RTN4IP1: variants seen among roughly 807,000 people sequenced by gnomAD.
RTN4IP1 encodes NAD(P)H oxidoreductase RTN4IP1, mitochondrial.
Under a neutral mutation model 46.6 loss-of-function variants are expected in RTN4IP1, and 32 were observed. That is an observed-to-expected ratio of 0.69 (90% confidence interval 0.52 to 0.92). The LOEUF (loss-of-function observed/expected upper bound fraction) is 0.92, where lower values mean the gene tolerates loss of function less well. Among genes scored for constraint, RTN4IP1 ranks in the 40% least tolerant of loss-of-function variants. The pLI is 0.00. For synonymous variants in RTN4IP1, 167 were observed against 161.8 expected (o/e 1.03, Z -0.24); for missense variants, 424 against 485.8 (o/e 0.87, Z 1.20).
In RTN4IP1 at chr6:106,619,196, A is replaced by T; in HGVS notation, c.620+6T>A. On this transcript the variant is annotated splice_donor_region_variant and intron_variant, in intron 4 of 8. Transcript: ENST00000369063. Reference sequence around the variant, plus strand: ...TTTAGATGCTGCCACTGACTGATACACTTACCGTTTTCCTGTGCAATTCTT... The same window carrying T: ...TTTAGATGCTGCCACTGACTGATACTCTTACCGTTTTCCTGTGCAATTCTT... The T allele has an allele frequency of 3.1e-6, 5 of 1,614,078 alleles. No individual in the cohort carries two copies. Among genetic ancestry groups the T allele is most frequent in the Non-Finnish European group, 4.2e-6 (5 of 1,179,942 alleles).
At chr6:106,606,975 G>T (rs1776092787) in intron 4 of RTN4IP1, among the ~76,000 whole-genome samples, 1 of 152,174 alleles carries the variant, frequency 6.6e-6, no homozygotes, top group East Asian at 1.9e-4. Flanking sequence ...ACAGCAGGAG[G>T]CATCACCCTA....
intron 4 of RTN4IP1, among the ~76,000 whole-genome samples, chr6:106,603,208 T>TA (rs1026940155): frequency 6.6e-6 from 1 of 152,216 alleles, no homozygotes; most frequent in Non-Finnish European, 1.5e-5. Context: ...TCCTTTGTAA[T>TA]ATCTGCCTTA....
At chr6:106,614,655 C>A (rs1393289577) in intron 4 of RTN4IP1, among the ~76,000 whole-genome samples, 1 of 152,126 alleles carries the variant, frequency 6.6e-6, no homozygotes, top group African/African-American at 2.4e-5. Context: ...GTCCCTGAAA[C>A]CATACGAAAA....
chr6:106,586,356 T>G (rs149209792), intron 7 of RTN4IP1, among the ~76,000 whole-genome samples: 45 of 152,222 alleles, frequency 3.0e-4, no homozygotes, highest in African/African-American at 1.0e-3. Flanking sequence ...CTCAAGTATT[T>G]TGCTTAATTT....
intron 5 of RTN4IP1, among the ~76,000 whole-genome samples, chr6:106,599,236 T>G (rs1304013049): frequency 6.6e-6 from 1 of 151,960 alleles, no homozygotes; most frequent in Non-Finnish European, 1.5e-5. Context: ...CTTTTTAATT[T>G]TATTAAAATT....
chr6:106,594,746 T>C (rs1315843050), intron 5 of RTN4IP1, among the ~76,000 whole-genome samples: 1 of 152,166 alleles, frequency 6.6e-6, no homozygotes, highest in African/African-American at 2.4e-5. Context: ...TATAGTCTTG[T>C]GCATTCTTAA....
At chr6:106,593,755 A>T (rs987387936) in intron 5 of RTN4IP1, among the ~76,000 whole-genome samples, 1 of 152,204 alleles carries the variant, frequency 6.6e-6, no homozygotes, top group Non-Finnish European at 1.5e-5. Context: ...ATATCCTGAA[A>T]ATCTGTGGGG....
Position 106,571,814 on chromosome 6 carries a change from C to A in RTN4IP1, c.*182G>T. ...GAATTTCTACTGACTACAGACAAAT[C>A]CAAGTGCTGATATTTTTATATCAAT... On this transcript the variant is annotated 3_prime_UTR_variant, in exon 9 of 9. Transcript: ENST00000369063. The A allele has an allele frequency of 1.4e-5, 7 of 509,544 alleles. No individual in the cohort carries two copies. The highest frequency in any genetic ancestry group is 2.4e-5 in the South Asian group (1 of 41,686). The allele number at this position is 509,544 out of a possible 1,614,324, so 31.6% of individuals were successfully genotyped here.
chr6:106,572,179 T>G lies in RTN4IP1; in HGVS notation c.1084-76A>C, dbSNP rs1379902293. ...AGGCAGATGACATTGCTAATTAGTT[T>G]CTTGACGGTGTCCCTCAAGCCACAG... On this transcript the variant is annotated intron_variant, in intron 8 of 8. Coordinates refer to ENST00000369063, the MANE Select transcript of RTN4IP1 (RefSeq NM_032730.5). The G allele has an allele frequency of 3.4e-6, 4 of 1,173,660 alleles. No homozygotes were observed. The East Asian group carries it at 7.0e-5, about 21-fold the overall frequency. 72.7% of individuals were successfully genotyped at this position (1,173,660 alleles called of 1,614,324 possible).
intron 5 of RTN4IP1, among the ~76,000 whole-genome samples, chr6:106,596,119 C>T (rs1775784385): frequency 6.6e-6 from 1 of 152,146 alleles, no homozygotes; most frequent in South Asian, 2.1e-4. Context: ...CATGACCTGA[C>T]TAGTCTTTGA....
intron 6 of RTN4IP1, 142 bp from the exon 7 acceptor site, chr6:106,588,004 G>A (rs1775528389): frequency 1.5e-6 from 1 of 646,436 alleles, no homozygotes; most frequent in Non-Finnish European, 2.5e-6. Context: ...ATCCTGCAGA[G>A]GGGTGGCTGC....
intron 8 of RTN4IP1, 91 bp from the exon 9 acceptor site, chr6:106,572,194 T>C: frequency 9.7e-7 from 1 of 1,027,330 alleles, no homozygotes; most frequent in South Asian, 1.4e-5. Context: ...ACGGTGTCCC[T>C]CAAGCCACAG....
intron 4 of RTN4IP1, among the ~76,000 whole-genome samples, chr6:106,617,557 G>A (rs1776385464): frequency 1.3e-5 from 2 of 152,154 alleles, no homozygotes; most frequent in Non-Finnish European, 2.9e-5. Flanking sequence ...GGCAGAACAG[G>A]ACCCAGGGCT....
At chr6:106,629,819 T>C, upstream of RTN4IP1, 1 of 1,267,972 alleles carries the variant, frequency 7.9e-7, no homozygotes. Context: ...CTGCTTCCTC[T>C]AGAACTGAGT....
intron 8 of RTN4IP1, 124 bp from the exon 9 acceptor site, chr6:106,572,227 T>C (rs1224869127): frequency 1.2e-5 from 9 of 753,960 alleles, no homozygotes; most frequent in Admixed American, 4.6e-5. Context: ...GTCTCTCCAG[T>C]GGACCCAGGT....
chr6:106,603,031 G>A (rs1182710168), intron 4 of RTN4IP1, 109 bp from the exon 5 acceptor site: 2 of 755,576 alleles, frequency 2.6e-6, no homozygotes, highest in African/African-American at 1.8e-5. Flanking sequence ...AATTCTAAAA[G>A]AAAATAAAGT....
chr6:106,585,840 A>G (rs1228076302), intron 7 of RTN4IP1, among the ~76,000 whole-genome samples: 5 of 152,248 alleles, frequency 3.3e-5, no homozygotes, highest in African/African-American at 1.2e-4. Flanking sequence ...ACAACTCTGA[A>G]GGTTAACTTG....
chr6:106,629,703 G>C (rs376227484), upstream of RTN4IP1: 84 of 1,606,164 alleles, frequency 5.2e-5, 1 homozygote, highest in Non-Finnish European at 6.5e-5. Flanking sequence ...GAGCCTCCGA[G>C]AAGTGAGTGG....
intron 7 of RTN4IP1, among the ~76,000 whole-genome samples, chr6:106,584,643 T>C (rs924015963): frequency 6.6e-6 from 1 of 152,194 alleles, no homozygotes; most frequent in African/African-American, 2.4e-5. Flanking sequence ...GCTTGCAGGA[T>C]TGTTGGAAGG....
Sources: allele counts gnomAD v4.1 joint callset (sites outside exome capture counted in the v4.1 genomes callset), GRCh38; gene constraint gnomAD v4.1.1; transcripts MANE v1.5; gene names NCBI Gene and HGNC (gene_info 2026-07-23, HGNC 2026-07-21).